The following PRKCA variants were observed in gnomAD, a reference collection of about 807,000 sequenced individuals.
PRKCA encodes the protein protein kinase C alpha type.
In PRKCA, 27 loss-of-function variants were observed where a neutral mutation model predicts 87.0. That is an observed-to-expected ratio of 0.31 (90% CI 0.23 to 0.43). PRKCA has a LOEUF of 0.43. Among genes scored for constraint, PRKCA ranks in the 20% least tolerant of loss-of-function variants. PRKCA has a pLI of 1.00. For missense variants in PRKCA, 518 were observed against 852.3 expected, an observed-to-expected ratio of 0.61 and a Z score of 4.88; for synonymous variants, 329 against 311.1, an observed-to-expected ratio of 1.06 and a Z score of -0.61.
intron 8 of PRKCA, among the ~76,000 whole-genome samples, chr17:66,708,990 A>G (rs1430378433): frequency 6.6e-6 from 1 of 152,202 alleles, no homozygotes; most frequent in African/African-American, 2.4e-5. Flanking sequence ...ATTGGAATAG[A>G]AGATAACCCA....
At chr17:66,467,057 A>G (rs139790569) in intron 2 of PRKCA, among the ~76,000 whole-genome samples, 4 of 152,318 alleles carry the variant, frequency 2.6e-5, no homozygotes, top group East Asian at 1.9e-4. Flanking sequence ...TTGCCCTGCA[A>G]ACACACACGA....
chr17:66,474,522 G>C (rs1229903293), intron 2 of PRKCA, among the ~76,000 whole-genome samples: 2 of 152,152 alleles, frequency 1.3e-5, no homozygotes, highest in African/African-American at 4.8e-5. Context: ...GGCTCCAGAA[G>C]AGTTTAATCA....
chr17:66,524,920 A>G (rs1486765546), intron 3 of PRKCA, among the ~76,000 whole-genome samples: 2 of 152,224 alleles, frequency 1.3e-5, no homozygotes, highest in African/African-American at 4.8e-5. Context: ...TATATGTAGT[A>G]TATTGCAAAG....
At chr17:66,525,849 C>T (rs568019631) in intron 3 of PRKCA, among the ~76,000 whole-genome samples, 1 of 151,308 alleles carries the variant, frequency 6.6e-6, no homozygotes, top group East Asian at 1.9e-4. Context: ...CCAAAAGTCT[C>T]TTTTTTTTTC....
chr17:66,513,891 G>A (rs1966880563), intron 3 of PRKCA, among the ~76,000 whole-genome samples: 1 of 152,150 alleles, frequency 6.6e-6, no homozygotes, highest in Non-Finnish European at 1.5e-5. Flanking sequence ...TGATTTTTAA[G>A]GTGATTTGAC....
chr17:66,330,600 G>A (rs1906270447), intron 2 of PRKCA, among the ~76,000 whole-genome samples: 1 of 152,172 alleles, frequency 6.6e-6, no homozygotes, highest in African/African-American at 2.4e-5. Context: ...ATTTGTTGCT[G>A]CTTGAGAGAG....
intron 14 of PRKCA, chr17:66,775,395 C>G (rs570971744): frequency 1.0e-6 from 1 of 984,610 alleles, no homozygotes; most frequent in African/African-American, 1.7e-5. Context: ...TCACTTCTGC[C>G]TAGGTTCCAC....
chr17:66,725,055 G>A (rs1973709593), intron 8 of PRKCA, among the ~76,000 whole-genome samples: 1 of 152,166 alleles, frequency 6.6e-6, no homozygotes, highest in African/African-American at 2.4e-5. Context: ...CCTTCCAAGG[G>A]CATGGTTTCA....
intron 13 of PRKCA, among the ~76,000 whole-genome samples, chr17:66,751,867 A>G (rs1422953576): frequency 6.6e-6 from 1 of 152,214 alleles, no homozygotes; most frequent in East Asian, 1.9e-4. Flanking sequence ...AGAGCAAGAG[A>G]GAGAGCAGGG....
At chr17:66,341,032 A>G (rs1907012992) in intron 2 of PRKCA, among the ~76,000 whole-genome samples, 1 of 152,148 alleles carries the variant, frequency 6.6e-6, no homozygotes, top group African/African-American at 2.4e-5. Flanking sequence ...GATCTGAAAA[A>G]TCACTTGCAT....
At chr17:66,371,522 C>G (rs1277345743) in intron 2 of PRKCA, among the ~76,000 whole-genome samples, 1 of 152,156 alleles carries the variant, frequency 6.6e-6, no homozygotes, top group African/African-American at 2.4e-5. Flanking sequence ...CTCAGCTCTG[C>G]CACTTCTAAC....
At chr17:66,678,847 G>T (rs186128719) in intron 5 of PRKCA, among the ~76,000 whole-genome samples, 3 of 151,980 alleles carry the variant, frequency 2.0e-5, no homozygotes, top group African/African-American at 7.3e-5. Context: ...TCTCTACATC[G>T]GTGCAGATTT....
chr17:66,738,713 G>C, intron 10 of PRKCA, 51 bp from the exon 11 acceptor site: 2 of 1,458,882 alleles, frequency 1.4e-6, no homozygotes, highest in Non-Finnish European at 1.9e-6. Context: ...AGCAAAGGAA[G>C]CCACTTGGCT....
intron 2 of PRKCA, among the ~76,000 whole-genome samples, chr17:66,479,441 T>A (rs1915680149): frequency 6.6e-6 from 1 of 152,218 alleles, no homozygotes; most frequent in Non-Finnish European, 1.5e-5. Flanking sequence ...TGCAAGACAG[T>A]ATGGCCATTC....
At chr17:66,642,219 T>C (rs916255669) in intron 4 of PRKCA, among the ~76,000 whole-genome samples, 15 of 151,948 alleles carry the variant, frequency 9.9e-5, no homozygotes, top group Non-Finnish European at 2.1e-4. Context: ...AAGCTCCACC[T>C]CCCGAGTTCA....
intron 2 of PRKCA, among the ~76,000 whole-genome samples, chr17:66,490,009 G>T (rs927279091): frequency 7.2e-5 from 11 of 152,100 alleles, no homozygotes; most frequent in African/African-American, 2.7e-4. Context: ...TCAAACTCTT[G>T]ACCTCAAGTG....
chr17:66,347,347 T>A (rs1907443045), intron 2 of PRKCA, among the ~76,000 whole-genome samples: 1 of 152,138 alleles, frequency 6.6e-6, no homozygotes, highest in Non-Finnish European at 1.5e-5. Flanking sequence ...TTGAAGTGTA[T>A]GTCTAACACA....
chr17:66,318,811 C>A (rs542690965), intron 2 of PRKCA, among the ~76,000 whole-genome samples: 8 of 151,500 alleles, frequency 5.3e-5, no homozygotes, highest in African/African-American at 1.7e-4. Flanking sequence ...GCCAAGATCA[C>A]GCCACTGTAC....
At chr17:66,368,350 GTGTGTGTGTA>G (rs1567793031) in intron 2 of PRKCA, among the ~76,000 whole-genome samples, 1 of 118,556 alleles carries the variant, frequency 8.4e-6, no homozygotes, top group Non-Finnish European at 1.7e-5. Flanking sequence ...GTGTGTGTGT[GTGTGTGTGTA>G]TATGTATATA....
Sources: gnomAD v4.1 joint callset for allele counts (sites outside exome capture counted in the v4.1 genomes callset) on GRCh38, gnomAD v4.1.1 for gene constraint, MANE v1.5 for transcripts, NCBI Gene and HGNC (gene_info 2026-07-23, HGNC 2026-07-21) for gene names.